C1orf141: variants seen among roughly 807,000 people sequenced by gnomAD.
C1orf141 encodes the protein chromosome 1 open reading frame 141, also known as uncharacterized protein C1orf141.
Under a neutral mutation model 23.2 loss-of-function variants are expected in C1orf141, and 19 were observed. That is an observed-to-expected ratio of 0.82 (90% CI 0.57 to 1.20). The LOEUF (loss-of-function observed/expected upper bound fraction) is 1.20. Among genes scored for constraint, C1orf141 ranks in the 50% most tolerant of loss-of-function variants. The pLI, the probability that C1orf141 is intolerant of heterozygous loss-of-function variation, is 0.00. For synonymous variants in C1orf141, 153 were observed against 154.6 expected (o/e 0.99, Z 0.08); for missense variants, 469 against 455.1 (o/e 1.03, Z -0.28).
chr1:67,118,965 A>T (rs1430302927), intron 4 of C1orf141, among the ~76,000 whole-genome samples: 1 of 152,232 alleles, frequency 6.6e-6, no homozygotes, highest in Non-Finnish European at 1.5e-5. Flanking sequence ...GTAGCAGCCC[A>T]TACTAAGACA....
In C1orf141 at chr1:67,095,349, C is replaced by T; in HGVS notation, c.489G>A (p.Lys163=). The T allele has an allele frequency of 6.3e-7, 1 of 1,577,922 alleles. No homozygotes were observed. ...NKSVRNYQLS[K]YRSVRKKSLL... is the part of the protein sequence containing the mutation. ...AGCTTTTCTTTCTTACTGACCTATA[C>T]TTACTTAATTGATAATTTCTGACCG... Residue 163 remains lysine, a synonymous_variant, in exon 7 of 8, where the codon AAG becomes AAA. Transcript: ENST00000684719.
intron 1 of C1orf141, among the ~76,000 whole-genome samples, chr1:67,141,223 T>G (rs1408195750): frequency 1.3e-5 from 2 of 152,228 alleles, no homozygotes; most frequent in Non-Finnish European, 2.9e-5. Flanking sequence ...CCTCAAAAGA[T>G]AGTTATCTTA....
At chr1:67,107,738 C>A (rs1645963886) in intron 5 of C1orf141, among the ~76,000 whole-genome samples, 1 of 152,052 alleles carries the variant, frequency 6.6e-6, no homozygotes, top group South Asian at 2.1e-4. Context: ...AAAATTCAAA[C>A]AATTAGCCGG....
chr1:67,111,638 A>T (rs1318446124), intron 5 of C1orf141: 2 of 1,378,086 alleles, frequency 1.5e-6, no homozygotes, highest in Admixed American at 2.6e-5. Flanking sequence ...ATGTTCTTCT[A>T]CTGGCTCTAA....
intron 4 of C1orf141, among the ~76,000 whole-genome samples, chr1:67,118,653 T>A (rs1342372285): frequency 6.6e-6 from 1 of 152,188 alleles, no homozygotes; most frequent in Non-Finnish European, 1.5e-5. Flanking sequence ...TCTCTAACGT[T>A]ATGGTATTTG....
At chr1:67,098,177 T>G (rs536424983) in intron 5 of C1orf141, among the ~76,000 whole-genome samples, 12 of 152,214 alleles carry the variant, frequency 7.9e-5, no homozygotes, top group Admixed American at 3.3e-4. Flanking sequence ...AAGAGTGACA[T>G]ATAGTGAGTG....
intron 4 of C1orf141, chr1:67,123,781 A>G (rs1646348436): frequency 6.6e-6 from 1 of 152,218 alleles, no homozygotes; most frequent in African/African-American, 2.4e-5. Context: ...TTTGCCTGCC[A>G]CGGTTTCATC....
chr1:67,111,985 C>T (rs1179049735), intron 5 of C1orf141, among the ~76,000 whole-genome samples: 3 of 152,122 alleles, frequency 2.0e-5, no homozygotes, highest in Non-Finnish European at 4.4e-5. Flanking sequence ...GAAATAGTCC[C>T]TTCTACCTGC....
At chr1:67,139,836 C>T (rs552118682), upstream of C1orf141, among the ~76,000 whole-genome samples, 103 of 152,314 alleles carry the variant, frequency 6.8e-4, no homozygotes, top group African/African-American at 2.3e-3. Context: ...CCACTGCACC[C>T]AGCTTGGTGG....
upstream of C1orf141, among the ~76,000 whole-genome samples, chr1:67,136,524 G>A (rs78050756): frequency 2.0e-5 from 3 of 152,218 alleles, no homozygotes; most frequent in Admixed American, 6.5e-5. Context: ...GTTCAGAAAC[G>A]TTAGCTACTC....
intron 1 of C1orf141, among the ~76,000 whole-genome samples, chr1:67,132,310 A>T (rs1308746156): frequency 6.6e-6 from 1 of 151,982 alleles, no homozygotes; most frequent in Non-Finnish European, 1.5e-5. Context: ...ACTTCAAGTC[A>T]GGAGTCGAGA....
At chr1:67,105,084 T>C (rs146079864) in intron 5 of C1orf141, among the ~76,000 whole-genome samples, 3,367 of 152,242 alleles carry the variant, frequency 0.022, 126 homozygotes, top group African/African-American at 0.076. Context: ...CCCAGCACTT[T>C]GGGAGGCCGA....
At chr1:67,097,037 C>T (rs2102416852) in intron 5 of C1orf141, among the ~76,000 whole-genome samples, 1 of 152,102 alleles carries the variant, frequency 6.6e-6, no homozygotes, top group South Asian at 2.1e-4. Context: ...ATTTGGGAAG[C>T]TCTGTTCTAG....
At chr1:67,117,553 A>G (rs1383444676) in intron 4 of C1orf141, among the ~76,000 whole-genome samples, 1 of 152,172 alleles carries the variant, frequency 6.6e-6, no homozygotes, top group Non-Finnish European at 1.5e-5. Context: ...TCTCCGTAAA[A>G]CAATTTATCT....
At chr1:67,109,406 T>C (rs1280007401) in intron 5 of C1orf141, among the ~76,000 whole-genome samples, 1 of 145,524 alleles carries the variant, frequency 6.9e-6, no homozygotes, top group African/African-American at 2.6e-5. Flanking sequence ...AGCAAAGGAA[T>C]GGAATGACAA....
chr1:67,099,305 A>G lies in C1orf141; in HGVS notation c.347-2984T>C, dbSNP rs1570679977. Among the ~76,000 whole-genome samples, 3 of 152,358 alleles carry G rather than the reference A, an allele frequency of 2.0e-5. No homozygotes were observed. In the South Asian group the frequency reaches 6.2e-4, roughly 32 times the overall value. On this transcript the variant is annotated intron_variant, in intron 5 of 7. Coordinates refer to ENST00000684719, the MANE Select transcript of C1orf141 (RefSeq NM_001276351.2). ...AATGATTCAAGAAGATAATAAAATT[A>G]TCTGTAAAATGCTGAGAAAAAATAA...
chr1:67,127,132 G>C (rs375741972), intron 3 of C1orf141, 34 bp downstream of exon 3: 2 of 1,411,532 alleles, frequency 1.4e-6, no homozygotes, highest in Non-Finnish European at 2.0e-6. Context: ...ACCTGTTAAT[G>C]ATTAAACTGA....
At chr1:67,127,466 C>T (rs1212495123) in intron 2 of C1orf141, among the ~76,000 whole-genome samples, 1 of 151,816 alleles carries the variant, frequency 6.6e-6, no homozygotes, top group Non-Finnish European at 1.5e-5. Flanking sequence ...ATGTATAGGC[C>T]CCATGAATTT....
chr1:67,107,701 C>A (rs1645962993), intron 5 of C1orf141, among the ~76,000 whole-genome samples: 1 of 152,154 alleles, frequency 6.6e-6, no homozygotes, highest in Non-Finnish European at 1.5e-5. Flanking sequence ...CCAGCCTGAC[C>A]AACGTGGAGA....
Sources: allele counts gnomAD v4.1 joint callset (sites outside exome capture counted in the v4.1 genomes callset), GRCh38; gene constraint gnomAD v4.1.1; transcripts MANE v1.5; gene names NCBI Gene and HGNC (gene_info 2026-07-23, HGNC 2026-07-21).